EXD3: variants seen among roughly 807,000 people sequenced by gnomAD.
EXD3 encodes the protein exonuclease 3'-5' domain containing 3.
Under a neutral mutation model 98.0 loss-of-function variants are expected in EXD3, and 92 were observed. That is an observed-to-expected ratio of 0.94 (90% CI 0.79 to 1.12). The LOEUF (loss-of-function observed/expected upper bound fraction) is 1.12, where lower values mean the gene tolerates loss of function less well. Ranked by LOEUF, EXD3 falls within the 50% of genes most tolerant of loss-of-function variation. The pLI, the probability that EXD3 is intolerant of heterozygous loss-of-function variation, is 0.00. For synonymous variants in EXD3, 569 were observed against 526.0 expected (o/e 1.08, Z -1.12); for missense variants, 1,222 against 1,191.6 (o/e 1.03, Z -0.38).
chr9:137,367,103 C>T (rs1835297357), intron 6 of EXD3, among the ~76,000 whole-genome samples: 1 of 152,226 alleles, frequency 6.6e-6, no homozygotes, highest in African/African-American at 2.4e-5. Context: ...TCAGCAAGAA[C>T]GAATTCCCGT....
chr9:137,314,853 G>A (rs1831557915), intron 19 of EXD3, among the ~76,000 whole-genome samples: 1 of 152,190 alleles, frequency 6.6e-6, no homozygotes, highest in South Asian at 2.1e-4. Context: ...GAAAGGGCAC[G>A]TGAGTCTCCG....
intron 19 of EXD3, among the ~76,000 whole-genome samples, chr9:137,319,038 C>T (rs1042178902): frequency 4.6e-5 from 7 of 152,248 alleles, no homozygotes; most frequent in African/African-American, 1.7e-4. Context: ...GAAAGTCAGC[C>T]CGGCGGCAGG....
intron 2 of EXD3, among the ~76,000 whole-genome samples, chr9:137,388,337 C>A (rs1440330701): frequency 6.6e-6 from 1 of 152,026 alleles, no homozygotes. Context: ...CCAGCTGACA[C>A]CCCCGCGCCG....
At chr9:137,387,461 T>G (rs1035043142) in intron 2 of EXD3, among the ~76,000 whole-genome samples, 1 of 152,170 alleles carries the variant, frequency 6.6e-6, no homozygotes, top group Admixed American at 6.5e-5. Flanking sequence ...ACGGCCATGC[T>G]GACACTCATC....
intron 2 of EXD3, among the ~76,000 whole-genome samples, chr9:137,383,635 G>A (rs1392048983): frequency 6.6e-6 from 1 of 152,230 alleles, no homozygotes; most frequent in African/African-American, 2.4e-5. Context: ...ACCACGCTCA[G>A]CCCTGGGAGC....
rs1588431321 is a variant in EXD3 at position 137,405,210 on chromosome 9, T to G, written c.-47-9806A>C. On this transcript the variant is annotated intron_variant, in intron 1 of 21. Coordinates refer to ENST00000340951, the MANE Select transcript of EXD3 (RefSeq NM_017820.5). This position sits in a 1 kb window ranked among gnomAD's most constrained non-coding sequence, Gnocchi z 4.1. Reference sequence around the variant, plus strand: ...ACATCCCACCCTTGGACCTCCTAACTGCGCTGGGGTCCGGCACAGTGGGCT... The same window carrying G: ...ACATCCCACCCTTGGACCTCCTAACGGCGCTGGGGTCCGGCACAGTGGGCT... 6.6e-6 allele frequency among the ~76,000 whole-genome samples: 1 copy of G among 152,310 alleles called. No individual in the cohort carries two copies. Among genetic ancestry groups the G allele is most frequent in the African/African-American group, 2.4e-5 (1 of 41,554 alleles).
rs571982255 is a variant in EXD3, at chr9:137,405,181, C to A, written c.-47-9777G>T. On this transcript the variant is annotated intron_variant, in intron 1 of 21. Coordinates refer to ENST00000340951, the MANE Select transcript of EXD3 (RefSeq NM_017820.5). The surrounding 1 kb of genome is among the most constrained non-coding windows in gnomAD (Gnocchi z 4.1). ...GACCCTACTTGGGAGCCCCGCACAT[C>A]CGCACATCCCACCCTTGGACCTCCT... Among the ~76,000 whole-genome samples the A allele has an allele frequency of 3.4e-4, 52 of 152,348 alleles. No homozygotes were observed. Among genetic ancestry groups the A allele is most frequent in the African/African-American group, 1.2e-3 (50 of 41,582 alleles).
In EXD3 at chr9:137,337,582, C is replaced by T. The variant is rs533107737; in HGVS notation, c.1998+10489G>A. On this transcript the variant is annotated intron_variant, in intron 17 of 21. Transcript: ENST00000340951. Reference sequence around the variant, plus strand: ...AGGAGAATTGCTTGAACCCGGGAGGCGGAGCTTGCAGTGAGCCGAGATTTC... The same window carrying T: ...AGGAGAATTGCTTGAACCCGGGAGGTGGAGCTTGCAGTGAGCCGAGATTTC... 7.9e-5 allele frequency among the ~76,000 whole-genome samples: 12 copies of T among 151,692 alleles called. No individual in the cohort carries two copies. The East Asian group carries it at 1.8e-3, about 23-fold the overall frequency.
At chr9:137,373,663 C>A in intron 3 of EXD3, 64 bp from the exon 4 acceptor site, 1 of 1,476,970 alleles carries the variant, frequency 6.8e-7, no homozygotes, top group East Asian at 2.5e-5. Context: ...GCAAGGCCTC[C>A]CCACCGCAGA....
chr9:137,355,614 GGAGGAAGGGAGGATGGAGGAA>G (rs1834681926), intron 8 of EXD3, among the ~76,000 whole-genome samples: 2 of 76,130 alleles, frequency 2.6e-5, no homozygotes, highest in Admixed American at 1.6e-4. Flanking sequence ...AAAGGAGGAA[GGAGGAAGGGAGGATGGAGGAA>G]GGAGGAAGGA....
chr9:137,398,584 AGGCAACCGCGTCCCCAAGACACACT>A (rs1564208420), intron 1 of EXD3, among the ~76,000 whole-genome samples: 41 of 134,500 alleles, frequency 3.0e-4, no homozygotes, highest in African/African-American at 9.5e-4. Context: ...CAAGACACAC[AGGCAACCGCGTCCCCAAGACACACT>A]GGCACCCGCG....
intron 19 of EXD3, among the ~76,000 whole-genome samples, chr9:137,311,973 G>T (rs1588216859): frequency 6.6e-6 from 1 of 152,264 alleles, no homozygotes; most frequent in Non-Finnish European, 1.5e-5. Flanking sequence ...GCACTCGGGG[G>T]CTGAGAGCCC....
Position 137,395,507 on chromosome 9 carries a change from T to G in EXD3, c.-47-103A>C. On this transcript the variant is annotated intron_variant, in intron 1 of 21. Coordinates refer to ENST00000340951, the MANE Select transcript of EXD3 (RefSeq NM_017820.5). This position sits in a 1 kb window ranked among gnomAD's most constrained non-coding sequence, Gnocchi z 6.5. ...GGAGGTGGTGGAGGGAGCTGGTGCC[T>G]GGGGGGGCCCAAGTGGGACCCCCAG... 8.8e-7 allele frequency: 1 copy of G among 1,131,672 alleles called. No individual in the cohort carries two copies. 70.1% of individuals were successfully genotyped at this position (1,131,672 alleles called of 1,614,324 possible).
chr9:137,366,204 C>T (rs569086903), intron 7 of EXD3: 6 of 702,410 alleles, frequency 8.5e-6, no homozygotes, highest in East Asian at 2.7e-5. Context: ...GAAAGCAGTA[C>T]GGTTGCCATG....
intron 2 of EXD3, among the ~76,000 whole-genome samples, chr9:137,391,566 G>A (rs928439489): frequency 1.6e-5 from 2 of 124,476 alleles, no homozygotes; most frequent in Non-Finnish European, 3.5e-5. Flanking sequence ...CGGCCTCCCC[G>A]CCCCACCCCA....
At chr9:137,348,985 A>G in intron 16 of EXD3, 125 bp downstream of exon 16, 1 of 1,186,054 alleles carries the variant, frequency 8.4e-7, no homozygotes, top group Admixed American at 2.9e-5. Flanking sequence ...CTCTCGCTCC[A>G]GGAGCTGGGC....
chr9:137,348,642 T>C lies in EXD3; in HGVS notation c.1831-404A>G, dbSNP rs1428968692. The stretch of plus-strand genomic sequence containing the variant: ...GTTAGACAGAGAGGGGTGGGGATCA[T>C]GGGGAGGGGGCTAGATAGAGAGGGG... On this transcript the variant is annotated intron_variant, in intron 16 of 21. Transcript: ENST00000340951. Among the ~76,000 whole-genome samples, 134 of 27,382 alleles carry C rather than the reference T, an allele frequency of 4.9e-3. 1 individual carries two copies. Among genetic ancestry groups the C allele is most frequent in the African/African-American group, 0.019 (103 of 5,424 alleles). The allele number at this position is 27,382 out of a possible 152,430, so 18.0% of individuals were successfully genotyped here.
chr9:137,350,995 C>T, intron 14 of EXD3, 43 bp downstream of exon 14: 4 of 1,524,812 alleles, frequency 2.6e-6, no homozygotes, highest in Non-Finnish European at 3.6e-6. Flanking sequence ...CCTCGAACCC[C>T]AGGCCCACCC....
intron 3 of EXD3, among the ~76,000 whole-genome samples, chr9:137,378,704 C>G (rs1372352257): frequency 6.6e-6 from 1 of 152,240 alleles, no homozygotes; most frequent in Non-Finnish European, 1.5e-5. Context: ...TCCACATAGA[C>G]AAGCCTTGAT....
Sources: allele counts gnomAD v4.1 joint callset (sites outside exome capture counted in the v4.1 genomes callset), GRCh38; gene constraint gnomAD v4.1.1; non-coding constraint Gnocchi (gnomAD v3.1); transcripts MANE v1.5; gene names NCBI Gene and HGNC (gene_info 2026-07-23, HGNC 2026-07-21).